Variants in PDE10A observed in about 807,000 individuals in gnomAD.
PDE10A encodes cAMP and cAMP-inhibited cGMP 3',5'-cyclic phosphodiesterase 10A.
PDE10A carries 39 observed loss-of-function variants against 97.7 expected under a neutral mutation model. That is an observed-to-expected ratio of 0.40 (90% CI 0.31 to 0.52). The LOEUF (loss-of-function observed/expected upper bound fraction) is 0.52, where lower values mean the gene tolerates loss of function less well. Ranked by LOEUF, PDE10A falls within the 20% of genes least tolerant of loss-of-function variation. PDE10A has a pLI of 0.56. For missense variants in PDE10A, 731 were observed against 1,047.8 expected (o/e 0.70, Z 4.17); for synonymous variants, 371 against 376.8 (o/e 0.98, Z 0.18).
At chr6:165,793,240 T>C (rs1352840048) in intron 1 of PDE10A, among the ~76,000 whole-genome samples, 3 of 152,164 alleles carry the variant, frequency 2.0e-5, no homozygotes, top group African/African-American at 7.2e-5. Flanking sequence ...TCTCTCTATC[T>C]GCTCCCATTC....
intron 1 of PDE10A, among the ~76,000 whole-genome samples, chr6:165,659,270 C>G (rs577948027): frequency 3.3e-5 from 5 of 151,062 alleles, no homozygotes; most frequent in Admixed American, 2.0e-4. Context: ...AACAGAAGAT[C>G]AAACTGAAAG....
In PDE10A at chr6:165,691,605, A is replaced by G. The variant is rs1012746955; in HGVS notation, c.-614-148037T>C. ...TGCACGCGCGCGCACACACACACAC[A>G]CACACACACACACACACACAGCATC... On this transcript the variant is annotated intron_variant, in intron 1 of 19. Coordinates refer to the PDE10A transcript ENST00000366882. Among the ~76,000 whole-genome samples the G allele has an allele frequency of 3.3e-4, 49 of 150,346 alleles. 1 individual carries two copies. In the East Asian group the frequency reaches 6.0e-3, roughly 18 times the overall value.
At chr6:165,838,623 G>A (rs766979900) in intron 1 of PDE10A, among the ~76,000 whole-genome samples, 1 of 152,298 alleles carries the variant, frequency 6.6e-6, no homozygotes, top group Middle Eastern at 3.4e-3. Flanking sequence ...GTTTTAATTT[G>A]GTAAGTATTT....
intron 18 of PDE10A, among the ~76,000 whole-genome samples, chr6:165,357,359 G>A (rs944809317): frequency 6.6e-6 from 1 of 152,070 alleles, no homozygotes; most frequent in African/African-American, 2.4e-5. Context: ...TGAATTTACT[G>A]TTTTTGTGAT....
intron 1 of PDE10A, among the ~76,000 whole-genome samples, chr6:165,854,173 G>A (rs558990553): frequency 3.7e-4 from 57 of 152,318 alleles, no homozygotes; most frequent in African/African-American, 1.2e-3. Flanking sequence ...CCGACGGGGC[G>A]CACCGGCGGA....
At chr6:165,442,258 G>A (rs170280) in intron 5 of PDE10A, among the ~76,000 whole-genome samples, 152,149 of 152,152 alleles carry the variant, frequency 1, 76,073 homozygotes, top group Middle Eastern at 1. Context: ...TCGTCATTTA[G>A]CATTAGGTAT....
chr6:165,894,794 C>T (rs1781901584), intron 1 of PDE10A: 1 of 259,706 alleles, frequency 3.9e-6, no homozygotes. Flanking sequence ...TATATTTGTT[C>T]AAAGCTGCAA....
chr6:165,606,306 G>A (rs1787206502), intron 1 of PDE10A, among the ~76,000 whole-genome samples: 1 of 152,140 alleles, frequency 6.6e-6, no homozygotes, highest in Non-Finnish European at 1.5e-5. Flanking sequence ...GTGTTGCTGA[G>A]ATAATAAACT....
At chr6:165,615,066 C>T (rs925852054) in intron 1 of PDE10A, among the ~76,000 whole-genome samples, 25 of 151,652 alleles carry the variant, frequency 1.6e-4, no homozygotes, top group African/African-American at 4.1e-4. Flanking sequence ...AAAAATTAGC[C>T]GAGTACAGTG....
At chr6:165,516,536 G>C (rs548518897) in intron 2 of PDE10A, among the ~76,000 whole-genome samples, 54 of 152,214 alleles carry the variant, frequency 3.5e-4, no homozygotes, top group African/African-American at 1.3e-3. Context: ...AGCGGTATTT[G>C]CCTAACAGAA....
chr6:165,443,505 G>C (rs900261613), intron 5 of PDE10A, among the ~76,000 whole-genome samples: 1 of 152,120 alleles, frequency 6.6e-6, no homozygotes, highest in South Asian at 2.1e-4. Context: ...TAATCCAGGC[G>C]CATGGTGGAA....
intron 1 of PDE10A, among the ~76,000 whole-genome samples, chr6:165,770,607 C>A (rs1385125756): frequency 6.6e-6 from 1 of 152,198 alleles, no homozygotes. Context: ...CCTTCCTTCG[C>A]ATCAGCCTGC....
At chr6:165,626,689 G>A (rs928091067) in intron 1 of PDE10A, among the ~76,000 whole-genome samples, 7 of 151,404 alleles carry the variant, frequency 4.6e-5, no homozygotes, top group Non-Finnish European at 7.4e-5. Flanking sequence ...GGCACTTTGC[G>A]ATTTCCCTCC....
chr6:165,744,706 G>A (rs1390111906), intron 1 of PDE10A, among the ~76,000 whole-genome samples: 1 of 152,060 alleles, frequency 6.6e-6, no homozygotes, highest in African/African-American at 2.4e-5. Context: ...GTGTTTGACT[G>A]CAAAGTGCTG....
intron 1 of PDE10A, among the ~76,000 whole-genome samples, chr6:165,982,351 A>G (rs749940875): frequency 2.3e-4 from 35 of 152,204 alleles, no homozygotes; most frequent in Non-Finnish European, 4.7e-4. Flanking sequence ...CAAAACAGAA[A>G]CTACTTACTT....
intron 1 of PDE10A, among the ~76,000 whole-genome samples, chr6:165,757,635 T>A (rs758875971): frequency 2.6e-5 from 4 of 152,188 alleles, no homozygotes; most frequent in Non-Finnish European, 5.9e-5. Context: ...ATATACAAAC[T>A]TCTTTTGTGT....
intron 1 of PDE10A, among the ~76,000 whole-genome samples, chr6:165,907,216 T>C (rs954292748): frequency 2.6e-5 from 4 of 152,202 alleles, no homozygotes; most frequent in African/African-American, 9.6e-5. Context: ...AGAGTCCTGG[T>C]GCAGTGCAGG....
At position 165,790,647 on chromosome 6, in the gene PDE10A, T is replaced by C. The variant is rs1778621256; in HGVS notation, c.-615+196882A>G. Among the ~76,000 whole-genome samples, 7 of 152,070 alleles carry C rather than the reference T, an allele frequency of 4.6e-5. No homozygotes were observed. The South Asian group carries it at 1.5e-3, about 32-fold the overall frequency. On this transcript the variant is annotated intron_variant, in intron 1 of 19. Transcript: ENST00000366882. ...AGATGGCTCTGGGGATGTTTCCTAA[T>C]GGGCTGTGTTGAGACCCCGTCAGCC...
rs982412920 is a variant in PDE10A at position 165,883,509 on chromosome 6, C to T, written c.-615+104020G>A. 4.0e-5 allele frequency among the ~76,000 whole-genome samples: 6 copies of T among 150,104 alleles called. No individual in the cohort carries two copies. In the East Asian group the frequency reaches 1.2e-3, roughly 29 times the overall value. On this transcript the variant is annotated intron_variant, in intron 1 of 19. Transcript: ENST00000366882. ...GAGCTAAGACCACGCCACTGCACTC[C>T]AGCCTTGACGACAAATTGAGACTCC...
Sources: allele counts gnomAD v4.1 joint callset (sites outside exome capture counted in the v4.1 genomes callset), GRCh38; gene constraint gnomAD v4.1.1; transcripts MANE v1.5; gene names NCBI Gene and HGNC (gene_info 2026-07-23, HGNC 2026-07-21).